Variants in GALNTL6 observed in about 807,000 individuals in gnomAD.
The protein encoded by GALNTL6 is polypeptide N-acetylgalactosaminyltransferase like 6.
A neutral mutation model predicts 73.7 loss-of-function variants in GALNTL6; 46 were observed. The ratio of observed to expected loss-of-function variants is 0.62; its 90% confidence interval spans 0.49 to 0.80. The LOEUF (loss-of-function observed/expected upper bound fraction) is 0.80. GALNTL6 is among the 30% of genes least tolerant of loss of function. GALNTL6 has a pLI of 0.00. For missense variants in GALNTL6, 604 were observed against 755.0 expected, an observed-to-expected ratio of 0.80 and a Z score of 2.34; for synonymous variants, 259 against 263.7, an observed-to-expected ratio of 0.98 and a Z score of 0.17.
At chr4:172,199,768 TTTGC>T (rs747659923) in intron 2 of GALNTL6, among the ~76,000 whole-genome samples, 1 of 152,184 alleles carries the variant, frequency 6.6e-6, no homozygotes, top group Non-Finnish European at 1.5e-5. Flanking sequence ...TGTTTGTTTG[TTTGC>T]TTGCTTGCTT....
chr4:172,672,568 G>T (rs1732048800), intron 5 of GALNTL6, among the ~76,000 whole-genome samples: 1 of 152,176 alleles, frequency 6.6e-6, no homozygotes, highest in Non-Finnish European at 1.5e-5. Context: ...TCAATTTTTT[G>T]GAATGGTTTC....
chr4:172,695,944 C>G (rs2111272441), intron 5 of GALNTL6, among the ~76,000 whole-genome samples: 1 of 151,856 alleles, frequency 6.6e-6, no homozygotes, highest in East Asian at 1.9e-4. Context: ...CAGAGCGAGA[C>G]TCTGTCTCAA....
At chr4:172,795,721 G>A (rs901989466) in intron 5 of GALNTL6, among the ~76,000 whole-genome samples, 1 of 151,802 alleles carries the variant, frequency 6.6e-6, no homozygotes, top group Non-Finnish European at 1.5e-5. Context: ...TTTTAAATGT[G>A]CAATTAAATT....
At chr4:172,275,072 G>A (rs1485999581) in intron 3 of GALNTL6, among the ~76,000 whole-genome samples, 1 of 152,148 alleles carries the variant, frequency 6.6e-6, no homozygotes, top group Non-Finnish European at 1.5e-5. Context: ...TCCCAGAACA[G>A]ATCTATTAAA....
intron 5 of GALNTL6, among the ~76,000 whole-genome samples, chr4:172,651,810 A>G (rs1433263446): frequency 6.6e-6 from 1 of 152,202 alleles, no homozygotes; most frequent in African/African-American, 2.4e-5. Flanking sequence ...GCATGTCTCA[A>G]TCTTGTCACT....
intron 2 of GALNTL6, among the ~76,000 whole-genome samples, chr4:172,135,557 T>C (rs972711597): frequency 3.9e-5 from 6 of 152,146 alleles, no homozygotes; most frequent in African/African-American, 1.4e-4. Context: ...TACCAGTTCA[T>C]AGTTAGCGTC....
chr4:172,187,087 A>G (rs1328749836), intron 2 of GALNTL6, among the ~76,000 whole-genome samples: 1 of 152,144 alleles, frequency 6.6e-6, no homozygotes, highest in Non-Finnish European at 1.5e-5. Flanking sequence ...TCATAATTTT[A>G]TCATGTAAAA....
At chr4:172,869,015 C>A (rs1251844910) in intron 7 of GALNTL6, among the ~76,000 whole-genome samples, 1 of 152,088 alleles carries the variant, frequency 6.6e-6, no homozygotes, top group Admixed American at 6.6e-5. Flanking sequence ...TAGTTATATC[C>A]TGTGCATTCC....
chr4:172,369,615 A>G lies in GALNTL6; in HGVS notation c.553+20926A>G, dbSNP rs1183226014. Reference sequence around the variant, plus strand: ...GGCTGCAGGTCCCGAGCCCTGCCCCATGGGAAGGCGGCTGAGGCCCGGTGA... The same window carrying G: ...GGCTGCAGGTCCCGAGCCCTGCCCCGTGGGAAGGCGGCTGAGGCCCGGTGA... On this transcript the variant is annotated intron_variant, in intron 5 of 12. Transcript: ENST00000506823. Among the ~76,000 whole-genome samples the G allele has an allele frequency of 3.3e-5, 5 of 152,148 alleles. No individual in the cohort carries two copies. In the East Asian group the frequency reaches 5.8e-4, roughly 18 times the overall value.
chr4:172,112,978 C>G (rs1409428467), intron 2 of GALNTL6, among the ~76,000 whole-genome samples: 1 of 151,814 alleles, frequency 6.6e-6, no homozygotes, highest in African/African-American at 2.4e-5. Context: ...ATAAGCCACC[C>G]AGTCTGTGCT....
intron 5 of GALNTL6, among the ~76,000 whole-genome samples, chr4:172,349,713 GA>G (rs1222051691): frequency 6.6e-6 from 1 of 151,892 alleles, no homozygotes; most frequent in East Asian, 1.9e-4. Context: ...TTACATGACA[GA>G]AAGGAGGTTG....
intron 2 of GALNTL6, among the ~76,000 whole-genome samples, chr4:172,034,874 C>A (rs149244098): frequency 6.6e-6 from 1 of 152,172 alleles, no homozygotes; most frequent in Non-Finnish European, 1.5e-5. Flanking sequence ...AATTTTATGT[C>A]TTCATGCTGC....
chr4:172,637,693 A>G (rs1355286679), intron 5 of GALNTL6, among the ~76,000 whole-genome samples: 1 of 152,198 alleles, frequency 6.6e-6, no homozygotes, highest in East Asian at 1.9e-4. Context: ...TGAATTGTAT[A>G]AACATTAATC....
chr4:172,648,702 A>G (rs926577237), intron 5 of GALNTL6, among the ~76,000 whole-genome samples: 2 of 152,130 alleles, frequency 1.3e-5, no homozygotes, highest in African/African-American at 4.8e-5. Flanking sequence ...GAGAATACCA[A>G]CTTACACAAA....
chr4:172,393,979 A>G, intron 5 of GALNTL6, among the ~76,000 whole-genome samples: 1 of 152,146 alleles, frequency 6.6e-6, no homozygotes, highest in East Asian at 1.9e-4. Context: ...AACTAAAGAA[A>G]CCATACATAA....
intron 10 of GALNTL6, among the ~76,000 whole-genome samples, chr4:172,990,432 T>C (rs1751487878): frequency 6.6e-6 from 1 of 152,164 alleles, no homozygotes; most frequent in African/African-American, 2.4e-5. Flanking sequence ...AGATCAGCAG[T>C]ATGTCAAGCA....
intron 2 of GALNTL6, among the ~76,000 whole-genome samples, chr4:171,892,005 G>A (rs1354738763): frequency 6.6e-6 from 1 of 152,128 alleles, no homozygotes; most frequent in Non-Finnish European, 1.5e-5. Flanking sequence ...TCAACATAAT[G>A]CCACAAGTGG....
intron 5 of GALNTL6, among the ~76,000 whole-genome samples, chr4:172,503,265 T>C (rs1349301013): frequency 6.6e-6 from 1 of 151,962 alleles, no homozygotes; most frequent in East Asian, 1.9e-4. Flanking sequence ...GGAAGCAAAA[T>C]ACCTTATTAA....
At chr4:172,030,711 A>T (rs1432020177) in intron 2 of GALNTL6, among the ~76,000 whole-genome samples, 1 of 151,960 alleles carries the variant, frequency 6.6e-6, no homozygotes, top group Non-Finnish European at 1.5e-5. Context: ...CTCTGTCTCC[A>T]AAAGAATAAA....
Sources: gnomAD v4.1 joint callset for allele counts (sites outside exome capture counted in the v4.1 genomes callset) on GRCh38, gnomAD v4.1.1 for gene constraint, MANE v1.5 for transcripts, NCBI Gene and HGNC (gene_info 2026-07-23, HGNC 2026-07-21) for gene names.